MICAL2: variants seen among roughly 807,000 people sequenced by gnomAD.
The protein encoded by MICAL2 is [F-actin]-monooxygenase MICAL2.
A neutral mutation model predicts 127.3 loss-of-function variants in MICAL2; 77 were observed. The ratio of observed to expected loss-of-function variants is 0.60; its 90% CI spans 0.50 to 0.73. The LOEUF (loss-of-function observed/expected upper bound fraction) is 0.73, where lower values mean the gene tolerates loss of function less well. Ranked by LOEUF, MICAL2 falls within the 30% of genes least tolerant of loss-of-function variation. The pLI is 0.00. For missense variants in MICAL2, 1,351 were observed against 1,434.4 expected, an observed-to-expected ratio of 0.94 and a Z score of 0.94; for synonymous variants, 570 against 551.1, an observed-to-expected ratio of 1.03 and a Z score of -0.48.
intron 3 of MICAL2, among the ~76,000 whole-genome samples, chr11:12,184,591 A>G (rs1265212107): frequency 6.6e-6 from 1 of 152,214 alleles, no homozygotes; most frequent in Non-Finnish European, 1.5e-5. Context: ...AGATTTCATA[A>G]ATAAATTCCC....
At chr11:12,355,013 A>G (rs1939109765) in intron 34 of MICAL2, among the ~76,000 whole-genome samples, 3 of 152,228 alleles carry the variant, frequency 2.0e-5, no homozygotes. Flanking sequence ...CAGCACCACA[A>G]GCCCCATTTA....
chr11:12,203,774 A>G (rs533964772), intron 3 of MICAL2, among the ~76,000 whole-genome samples: 1 of 152,128 alleles, frequency 6.6e-6, no homozygotes, highest in Non-Finnish European at 1.5e-5. Flanking sequence ...AGTCTCATTT[A>G]TTAATTTTTT....
At chr11:12,330,528 T>C (rs865885762) in intron 32 of MICAL2, among the ~76,000 whole-genome samples, 2 of 152,196 alleles carry the variant, frequency 1.3e-5, no homozygotes, top group Middle Eastern at 3.4e-3. Flanking sequence ...GAGTTATTCA[T>C]TAGGCGGGCA....
intron 1 of MICAL2, among the ~76,000 whole-genome samples, chr11:12,122,128 G>A (rs1433119137): frequency 6.6e-6 from 1 of 152,196 alleles, no homozygotes; most frequent in Non-Finnish European, 1.5e-5. Context: ...TGTAAACACT[G>A]GACAAGCCAC....
At chr11:12,195,797 T>TGTGTG (rs1253516970) in intron 3 of MICAL2, 2 of 151,294 alleles carry the variant, frequency 1.3e-5, no homozygotes, top group Admixed American at 1.3e-4. Context: ...GAAAAGCCCA[T>TGTGTG]GTGTGGGCTC....
chr11:12,325,587 T>C (rs1439116569), intron 31 of MICAL2, among the ~76,000 whole-genome samples: 1 of 151,684 alleles, frequency 6.6e-6, no homozygotes, highest in Admixed American at 6.6e-5. Context: ...CTTCCGGGCT[T>C]ATAGACAGCT....
intron 26 of MICAL2, chr11:12,260,775 C>G: frequency 1.0e-6 from 1 of 985,304 alleles, no homozygotes; most frequent in Non-Finnish European, 1.2e-6. Flanking sequence ...TGTTATCTGT[C>G]CCCCTGGGAG....
At chr11:12,215,429 C>T (rs943752413) in intron 7 of MICAL2, among the ~76,000 whole-genome samples, 12 of 152,218 alleles carry the variant, frequency 7.9e-5, no homozygotes, top group Admixed American at 5.9e-4. Context: ...ATAAGCCAGT[C>T]AGCCTCACAC....
intron 29 of MICAL2, among the ~76,000 whole-genome samples, chr11:12,313,095 G>A (rs546554244): frequency 2.0e-4 from 30 of 150,680 alleles, no homozygotes; most frequent in Non-Finnish European, 3.5e-4. Context: ...GTGAACCGGA[G>A]AGGCGGAGCT....
At chr11:12,262,736 A>AT (rs1863300241) in intron 27 of MICAL2, 199 bp downstream of exon 27, 1 of 555,532 alleles carries the variant, frequency 1.8e-6, no homozygotes, top group African/African-American at 1.9e-5. Flanking sequence ...TTCATTTCCC[A>AT]TGGAGCTGGC....
intron 2 of MICAL2, among the ~76,000 whole-genome samples, chr11:12,281,277 A>T (rs1424465633): frequency 6.6e-6 from 1 of 152,204 alleles, no homozygotes; most frequent in Non-Finnish European, 1.5e-5. Context: ...GACTTGAACC[A>T]GGCCTGGCTT....
chr11:12,326,865 C>A (rs911292305), intron 31 of MICAL2, among the ~76,000 whole-genome samples: 3 of 152,232 alleles, frequency 2.0e-5, no homozygotes, highest in Non-Finnish European at 4.4e-5. Flanking sequence ...ATGATGACTG[C>A]TCACCTCACC....
chr11:12,159,754 C>T (rs761558866), intron 2 of MICAL2, among the ~76,000 whole-genome samples: 1 of 152,206 alleles, frequency 6.6e-6, no homozygotes, highest in Non-Finnish European at 1.5e-5. Context: ...ATACGATCTG[C>T]AAAGCAAATG....
At chr11:12,339,253 G>A (rs61875396) in intron 32 of MICAL2, among the ~76,000 whole-genome samples, 1 of 152,126 alleles carries the variant, frequency 6.6e-6, no homozygotes, top group South Asian at 2.1e-4. Flanking sequence ...AGCTACTGAG[G>A]CTTGTGCATT....
At chr11:12,294,466 C>T, downstream of MICAL2, 1 of 1,614,214 alleles carries the variant, frequency 6.2e-7, no homozygotes. Flanking sequence ...CCCTCCGCAC[C>T]CACAGTTTGC....
At chr11:12,289,219 G>A (rs1464527421), downstream of MICAL2, among the ~76,000 whole-genome samples, 4 of 152,270 alleles carry the variant, frequency 2.6e-5, no homozygotes, top group African/African-American at 7.2e-5. Flanking sequence ...GCTGGTGTGC[G>A]CATCAGCCTC....
At chr11:12,246,682 C>T (rs2134534482) in intron 21 of MICAL2, among the ~76,000 whole-genome samples, 1 of 152,298 alleles carries the variant, frequency 6.6e-6, no homozygotes, top group African/African-American at 2.4e-5. Context: ...CTCACTGCGT[C>T]CTCAAACTTT....
At chr11:12,261,743 G>T in intron 26 of MICAL2, 1 of 985,436 alleles carries the variant, frequency 1.0e-6, no homozygotes, top group Non-Finnish European at 1.2e-6. Context: ...GAAAAACAGA[G>T]GCATGGCCGT....
At chr11:12,171,019 G>A (rs1856190618) in intron 3 of MICAL2, among the ~76,000 whole-genome samples, 1 of 152,160 alleles carries the variant, frequency 6.6e-6, no homozygotes, top group Non-Finnish European at 1.5e-5. Context: ...GTGGGTTTGA[G>A]GAAGACAAAA....
Sources: allele counts gnomAD v4.1 joint callset (sites outside exome capture counted in the v4.1 genomes callset), GRCh38; gene constraint gnomAD v4.1.1; transcripts MANE v1.5; gene names NCBI Gene and HGNC (gene_info 2026-07-23, HGNC 2026-07-21).